KANSL1: variants seen among roughly 807,000 people sequenced by gnomAD.
The protein encoded by KANSL1 is KAT8 regulatory NSL complex subunit 1, also known as MLL1/MLL complex subunit KANSL1.
KANSL1 carries 22 observed loss-of-function variants against 103.6 expected under a neutral mutation model. That is an observed-to-expected ratio of 0.21 (90% CI 0.15 to 0.30). KANSL1 has a LOEUF of 0.30. Ranked by LOEUF, KANSL1 falls within the 10% of genes least tolerant of loss-of-function variation. KANSL1 has a pLI of 1.00. For missense variants in KANSL1, 1,337 were observed against 1,399.8 expected (o/e 0.96, Z 0.72); for synonymous variants, 600 against 527.6 (o/e 1.14, Z -1.88).
At chr17:46,137,687 C>A (rs1282563364) in intron 2 of KANSL1, among the ~76,000 whole-genome samples, 3 of 151,848 alleles carry the variant, frequency 2.0e-5, no homozygotes. Context: ...CATGGTGAAA[C>A]CCCGTCTCTA....
chr17:46,156,111 G>A (rs570885508), intron 2 of KANSL1, among the ~76,000 whole-genome samples: 38 of 152,316 alleles, frequency 2.5e-4, no homozygotes, highest in African/African-American at 8.9e-4. Flanking sequence ...CTTTTGGGAG[G>A]CCAAGGTGGG....
chr17:46,156,445 C>T (rs17585214), intron 2 of KANSL1, among the ~76,000 whole-genome samples: 21,947 of 152,084 alleles, frequency 0.14, 2,137 homozygotes, highest in Non-Finnish European at 0.22. Context: ...AACTCCTAAC[C>T]CTAGATCCAT....
rs1336155452 is a variant in KANSL1, at chr17:46,193,192, G to C, written c.-459C>G. 1 of 151,828 alleles carries C rather than the reference G, an allele frequency of 6.6e-6. No individual in the cohort carries two copies. Among genetic ancestry groups the C allele is most frequent in the African/African-American group, 2.4e-5 (1 of 41,162 alleles). The allele number at this position is 151,828 out of a possible 1,614,324, so 9.4% of individuals were successfully genotyped here. A position where few individuals can be genotyped will look rare whatever the true frequency, so the allele number is the denominator to read the frequency against. ...CCGCCCCCCCGCCCCGCACAAACAA[G>C]CACCGCCGTCTGCAGCCCGAACCCG... is the stretch of plus-strand genomic sequence containing the variant. On this transcript the variant is annotated 5_prime_UTR_variant, in exon 1 of 15. Transcript: ENST00000432791.
At chr17:46,143,803 C>CAAAAAAAAAAAAA (rs57361021) in intron 2 of KANSL1, among the ~76,000 whole-genome samples, 1,072 of 85,382 alleles carry the variant, frequency 0.013, no homozygotes, top group Non-Finnish European at 0.017. Flanking sequence ...GACTCCATCT[C>CAAAAAAAAAAAAA]AAAAAAAAAA....
intron 1 of KANSL1, among the ~76,000 whole-genome samples, chr17:46,217,284 T>C (rs1035752700): frequency 6.6e-6 from 1 of 152,058 alleles, no homozygotes; most frequent in African/African-American, 2.4e-5. Context: ...GAGACCAGCC[T>C]GGCCAATGTG....
At position 46,171,019 on chromosome 17, in the gene KANSL1, T is replaced by G. The variant is rs2147732840; in HGVS notation, c.1125A>C (p.Ser375=). 1.2e-6 allele frequency: 2 copies of G among 1,614,214 alleles called. No individual in the cohort carries two copies. Among genetic ancestry groups the G allele is most frequent in the East Asian group, 4.5e-5 (2 of 44,882 alleles). The change falls in exon 2 of 15, where the codon TCA becomes TCC. Residue 375 remains serine (S), a synonymous_variant. Transcript: ENST00000432791. ...EGLSNFLKSN[S]ISEELERFTA... is the part of the protein sequence containing the mutation. ...TAAATCTCTCCAATTCTTCTGAAAT[T>G]GAATTGCTTTTCAGAAAGTTGCTAA...
At chr17:46,068,004 G>A (rs927103046) in intron 4 of KANSL1, among the ~76,000 whole-genome samples, 27 of 151,986 alleles carry the variant, frequency 1.8e-4, no homozygotes, top group South Asian at 4.2e-4. Flanking sequence ...ATTAGCTTTT[G>A]CTTTGGGGGG....
At chr17:46,062,114 C>CAAAAAAAAAAAAAAAAAAAAAAAAAA (rs1192815524) in intron 6 of KANSL1, among the ~76,000 whole-genome samples, 11 of 37,106 alleles carry the variant, frequency 3.0e-4, no homozygotes, top group Non-Finnish European at 3.8e-4. Context: ...AAAAAACAAA[C>CAAAAAAAAAAAAAAAAAAAAAAAAAA]AAACAAAAAA....
Position 46,030,500 on chromosome 17 carries a change from CACAGGCAAGGG to C in KANSL1, c.*965_*975del, listed in dbSNP as rs1472036779. On this transcript the variant is annotated 3_prime_UTR_variant, in exon 15 of 15. Transcript: ENST00000432791. ...CCACAGCTAGGACCAGACAATGTTCCACAGGCAAGGGGAGCGTGAAAGACCAAGAGTGGAAC... is the reference window on the plus strand; with the variant it reads ...CCACAGCTAGGACCAGACAATGTTCCGAGCGTGAAAGACCAAGAGTGGAAC... 6.6e-6 allele frequency: 1 copy of C among 151,508 alleles called. No individual in the cohort carries two copies. Among genetic ancestry groups the C allele is most frequent in the African/African-American group, 2.4e-5 (1 of 41,140 alleles). 9.4% of individuals were successfully genotyped at this position (151,508 alleles called of 1,614,324 possible). A position where few individuals can be genotyped will look rare whatever the true frequency, so the allele number is the denominator to read the frequency against.
chr17:46,166,131 T>C (rs1301940818), intron 2 of KANSL1, among the ~76,000 whole-genome samples: 1 of 150,454 alleles, frequency 6.6e-6, no homozygotes, highest in African/African-American at 2.5e-5. Flanking sequence ...AAGAATTGCT[T>C]GAGCCTGGGA....
At chr17:46,108,718 T>C (rs1338799959) in intron 2 of KANSL1, among the ~76,000 whole-genome samples, 2 of 152,216 alleles carry the variant, frequency 1.3e-5, no homozygotes, top group Non-Finnish European at 2.9e-5. Flanking sequence ...ATCCTAACTT[T>C]TCCTTACAAA....
At chr17:46,146,893 G>A (rs1262486316) in intron 2 of KANSL1, among the ~76,000 whole-genome samples, 3 of 147,994 alleles carry the variant, frequency 2.0e-5, no homozygotes, top group Admixed American at 1.3e-4. Flanking sequence ...ACATTTAGAT[G>A]TTTCTTTTTT....
At chr17:46,059,892 C>A (rs1042642227) in intron 6 of KANSL1, among the ~76,000 whole-genome samples, 2 of 151,984 alleles carry the variant, frequency 1.3e-5, no homozygotes, top group Non-Finnish European at 2.9e-5. Flanking sequence ...AGAGATTGCA[C>A]CACTGCACTC....
intron 4 of KANSL1, among the ~76,000 whole-genome samples, chr17:46,080,733 C>T (rs1185780083): frequency 7.0e-6 from 1 of 143,148 alleles, no homozygotes; most frequent in African/African-American, 2.6e-5. Flanking sequence ...CCTGTCTTCT[C>T]TTAATACTTT....
chr17:46,208,732 T>C (rs1417861491), intron 1 of KANSL1, among the ~76,000 whole-genome samples: 3 of 151,568 alleles, frequency 2.0e-5, no homozygotes, highest in Non-Finnish European at 4.4e-5. Flanking sequence ...CGCGTCAGTC[T>C]GTCCCACCTC....
chr17:46,130,817 A>G (rs1001649280), intron 2 of KANSL1, among the ~76,000 whole-genome samples: 8 of 152,328 alleles, frequency 5.3e-5, no homozygotes, highest in Admixed American at 1.3e-4. Context: ...CCCTCATCAC[A>G]TATCAACAGC....
intron 4 of KANSL1, among the ~76,000 whole-genome samples, chr17:46,070,377 A>G (rs535279468): frequency 5.6e-4 from 86 of 152,316 alleles, no homozygotes; most frequent in Non-Finnish European, 8.8e-4. Flanking sequence ...ACAACAAGAC[A>G]AAGAGTGTTA....
chr17:46,205,540 G>A (rs1241445849), intron 1 of KANSL1, among the ~76,000 whole-genome samples: 1 of 152,020 alleles, frequency 6.6e-6, no homozygotes, highest in Non-Finnish European at 1.5e-5. Context: ...AATTAGTTGG[G>A]TGTGGTGGCA....
chr17:46,070,570 G>C (rs1486182336), intron 4 of KANSL1, among the ~76,000 whole-genome samples: 1 of 152,124 alleles, frequency 6.6e-6, no homozygotes, highest in African/African-American at 2.4e-5. Flanking sequence ...AAGAATTTAA[G>C]ATTCAGGTTG....
Sources: gnomAD v4.1 joint callset for allele counts (sites outside exome capture counted in the v4.1 genomes callset) on GRCh38, gnomAD v4.1.1 for gene constraint, MANE v1.5 for transcripts, NCBI Gene and HGNC (gene_info 2026-07-23, HGNC 2026-07-21) for gene names.